The following EYS variants were observed in gnomAD, a reference collection of about 807,000 sequenced individuals.
EYS encodes protein eyes shut homolog.
Under a neutral mutation model 282.1 loss-of-function variants are expected in EYS, and 250 were observed. The ratio of observed to expected loss-of-function variants is 0.89; its 90% CI spans 0.80 to 0.98. The LOEUF is 0.98. EYS is among the 50% of genes least tolerant of loss of function. The pLI, the probability that EYS is intolerant of heterozygous loss-of-function variation, is 0.00. For synonymous variants in EYS, 1,355 were observed against 1,282.9 expected, an observed-to-expected ratio of 1.06 and a Z score of -1.20; for missense variants, 4,016 against 3,709.0, an observed-to-expected ratio of 1.08 and a Z score of -2.15.
intron 5 of EYS, among the ~76,000 whole-genome samples, chr6:65,417,166 A>G (rs975033210): frequency 1.3e-5 from 2 of 151,972 alleles, no homozygotes; most frequent in Non-Finnish European, 2.9e-5. Context: ...TTCATTGTAA[A>G]GTTGTAGTAA....
rs1435420402 is a variant in EYS, at chr6:65,443,275, C to T, written c.863-37908G>A. Among the ~76,000 whole-genome samples, 5 of 149,272 alleles carry T rather than the reference C, an allele frequency of 3.3e-5. 1 individual carries two copies. The East Asian group carries it at 7.9e-4, about 24-fold the overall frequency. On this transcript the variant is annotated intron_variant, in intron 5 of 42. Coordinates refer to ENST00000503581, the MANE Select transcript of EYS (RefSeq NM_001142800.2). Reference sequence around the variant, plus strand: ...GTATACATATATGCAAACATATAGACATGTATGCATGCATATATGCATACA... The same window carrying T: ...GTATACATATATGCAAACATATAGATATGTATGCATGCATATATGCATACA...
chr6:64,678,166 T>C (rs1169576363), intron 22 of EYS, among the ~76,000 whole-genome samples: 1 of 151,562 alleles, frequency 6.6e-6, no homozygotes, highest in Non-Finnish European at 1.5e-5. Context: ...CTTTTGAGTA[T>C]CAAAAAGAGT....
intron 31 of EYS, among the ~76,000 whole-genome samples, chr6:64,104,730 ATCTC>A (rs1288564638): frequency 3.2e-4 from 46 of 145,544 alleles, no homozygotes; most frequent in African/African-American, 1.2e-3. Flanking sequence ...CACTTATAAT[ATCTC>A]TCTTCTGGCA....
intron 7 of EYS, among the ~76,000 whole-genome samples, chr6:65,397,453 A>G (rs1766323728): frequency 6.6e-6 from 1 of 152,006 alleles, no homozygotes; most frequent in Non-Finnish European, 1.5e-5. Flanking sequence ...GTTTCCACTT[A>G]TAAGTGAAAA....
rs148345723 is a variant in EYS at position 65,246,501 on chromosome 6, C to T, written c.2023+49362G>A. Among the ~76,000 whole-genome samples the T allele has an allele frequency of 9.2e-3, 1,406 of 152,174 alleles. 19 individuals are homozygous for T. Among genetic ancestry groups the T allele is most frequent in the African/African-American group, 0.032 (1,326 of 41,540 alleles). On this transcript the variant is annotated intron_variant, in intron 12 of 42. Coordinates refer to ENST00000503581, the MANE Select transcript of EYS (RefSeq NM_001142800.2). ...TGGGTTTAGATTTCAATTTAATTTT[C>T]TATCCATTATTACAAGTATATCCAC... is the stretch of plus-strand genomic sequence containing the variant.
At chr6:64,442,275 T>C (rs1254157757) in intron 26 of EYS, among the ~76,000 whole-genome samples, 2 of 152,092 alleles carry the variant, frequency 1.3e-5, no homozygotes, top group African/African-American at 4.8e-5. Flanking sequence ...AGGAACATGA[T>C]TTAGGATATC....
intron 8 of EYS, among the ~76,000 whole-genome samples, chr6:65,376,188 C>A (rs1765357659): frequency 6.6e-6 from 1 of 152,140 alleles, no homozygotes; most frequent in Non-Finnish European, 1.5e-5. Context: ...TCTGCACAAA[C>A]CCTACAAGCC....
intron 31 of EYS, among the ~76,000 whole-genome samples, chr6:64,179,536 A>C (rs182189785): frequency 6.6e-6 from 1 of 152,230 alleles, no homozygotes; most frequent in East Asian, 1.9e-4. Context: ...CATGTAATCA[A>C]GCACAGTAAG....
intron 26 of EYS, among the ~76,000 whole-genome samples, chr6:64,531,902 G>T (rs1263755879): frequency 6.6e-6 from 1 of 152,096 alleles, no homozygotes; most frequent in Non-Finnish European, 1.5e-5. Context: ...TAGAGTCTGG[G>T]AGTCACACCA....
At chr6:64,083,569 A>G (rs1293598525) in intron 31 of EYS, among the ~76,000 whole-genome samples, 1 of 152,212 alleles carries the variant, frequency 6.6e-6, no homozygotes, top group Non-Finnish European at 1.5e-5. Context: ...ACTACACAGT[A>G]AAGAAGAGCT....
At chr6:64,287,798 C>T (rs1768553401) in intron 30 of EYS, among the ~76,000 whole-genome samples, 1 of 152,118 alleles carries the variant, frequency 6.6e-6, no homozygotes, top group Admixed American at 6.6e-5. Flanking sequence ...ATCATATTAT[C>T]ACGGCTTTGC....
intron 31 of EYS, among the ~76,000 whole-genome samples, chr6:64,160,302 A>C (rs559037922): frequency 6.6e-6 from 1 of 152,328 alleles, no homozygotes; most frequent in African/African-American, 2.4e-5. Flanking sequence ...TTTTCCTGAA[A>C]ATTGAACCAC....
intron 14 of EYS, among the ~76,000 whole-genome samples, chr6:64,950,204 A>T (rs1046948852): frequency 2.0e-5 from 3 of 152,028 alleles, no homozygotes; most frequent in Non-Finnish European, 2.9e-5. Flanking sequence ...ATTCAAGATG[A>T]AATAGAAAAT....
At chr6:65,006,601 C>A (rs1193409561) in intron 13 of EYS, among the ~76,000 whole-genome samples, 2 of 151,220 alleles carry the variant, frequency 1.3e-5, no homozygotes, top group African/African-American at 4.9e-5. Flanking sequence ...TAACTCCAAC[C>A]ACTGATAATT....
chr6:63,877,012 T>C (rs569553265), intron 35 of EYS, among the ~76,000 whole-genome samples: 55 of 152,358 alleles, frequency 3.6e-4, no homozygotes, highest in African/African-American at 1.3e-3. Flanking sequence ...CCTGTCATTA[T>C]GATGTTAGCT....
intron 30 of EYS, among the ~76,000 whole-genome samples, chr6:64,234,956 C>A (rs1766539949): frequency 6.6e-6 from 1 of 151,916 alleles, no homozygotes; most frequent in Non-Finnish European, 1.5e-5. Flanking sequence ...TGGCTCACTG[C>A]AACCCCCGCC....
intron 16 of EYS, among the ~76,000 whole-genome samples, chr6:64,903,266 A>G (rs1168319429): frequency 6.6e-6 from 1 of 152,152 alleles, no homozygotes; most frequent in African/African-American, 2.4e-5. Context: ...AAGAAACAAG[A>G]TTTCCCTTTA....
intron 2 of EYS, among the ~76,000 whole-genome samples, chr6:65,521,598 A>G (rs772725360): frequency 2.0e-5 from 3 of 152,194 alleles, no homozygotes; most frequent in Non-Finnish European, 4.4e-5. Flanking sequence ...TTCATATAAA[A>G]AAATCTACAT....
chr6:64,550,340 T>C (rs1042640076), intron 26 of EYS, among the ~76,000 whole-genome samples: 2 of 152,188 alleles, frequency 1.3e-5, no homozygotes, highest in African/African-American at 2.4e-5. Flanking sequence ...TGAACTTGTT[T>C]ACAGACCCAC....
Sources: allele counts gnomAD v4.1 joint callset (sites outside exome capture counted in the v4.1 genomes callset), GRCh38; gene constraint gnomAD v4.1.1; transcripts MANE v1.5; gene names NCBI Gene and HGNC (gene_info 2026-07-23, HGNC 2026-07-21).